Variants in POSTN observed in about 807,000 individuals in gnomAD.
POSTN encodes periostin.
A neutral mutation model predicts 104.5 loss-of-function variants in POSTN; 71 were observed. That is an observed-to-expected ratio of 0.68 (90% confidence interval 0.56 to 0.83). The LOEUF (loss-of-function observed/expected upper bound fraction) is 0.83, where lower values mean the gene tolerates loss of function less well. Ranked by LOEUF, POSTN falls within the 40% of genes least tolerant of loss-of-function variation. The pLI, the probability that POSTN is intolerant of heterozygous loss-of-function variation, is 0.00. For missense variants in POSTN, 949 were observed against 1,006.8 expected (o/e 0.94, Z 0.78); for synonymous variants, 355 against 340.7 (o/e 1.04, Z -0.46).
At chr13:37,574,191 A>G (rs1950338192) in intron 17 of POSTN, among the ~76,000 whole-genome samples, 1 of 151,490 alleles carries the variant, frequency 6.6e-6, no homozygotes, top group South Asian at 2.1e-4. Flanking sequence ...AGCTTCTTGC[A>G]CTGTTATAAG....
At chr13:37,570,384 T>C (rs1000887318) in intron 19 of POSTN, among the ~76,000 whole-genome samples, 196 bp downstream of exon 19, 4 of 151,786 alleles carry the variant, frequency 2.6e-5, no homozygotes, top group African/African-American at 9.7e-5. Flanking sequence ...GCTTTTAGAT[T>C]TGTCTACAAA....
At chr13:37,573,626 A>G (rs1950318344) in intron 17 of POSTN, among the ~76,000 whole-genome samples, 1 of 151,614 alleles carries the variant, frequency 6.6e-6, no homozygotes, top group Admixed American at 6.6e-5. Flanking sequence ...AAACATAAGT[A>G]TAATTACAGT....
Position 37,586,823 on chromosome 13 carries a change from G to A in POSTN, c.712C>T (p.Gln238Ter), listed in dbSNP as rs144505887. Residue 238 changes from glutamine (Q) to a stop codon, truncating the protein, a stop_gained, in exon 6 of 23, where the codon CAA (glutamine) becomes TAA (stop). Coordinates refer to ENST00000379747, the MANE Select transcript of POSTN (RefSeq NM_006475.3). LOFTEE classifies it high-confidence loss of function. ...TCATCTTCTGCTTCAATGAAGTCTTGAATTGAGGTACCAATTTGTGTAAGC... is the reference window on the plus strand; with the variant it reads ...TCATCTTCTGCTTCAATGAAGTCTTAAATTGAGGTACCAATTTGTGTAAGC... ...RVLTQIGTSI[Q>*]DFIEAEDDLS... 6 of 1,612,914 alleles carry A rather than the reference G, an allele frequency of 3.7e-6. No homozygotes were observed. In the African/African-American group the frequency reaches 4.0e-5, roughly 11 times the overall value.
chr13:37,571,630 T>G, intron 17 of POSTN, 172 bp from the exon 18 acceptor site: 2 of 515,578 alleles, frequency 3.9e-6, no homozygotes, highest in Non-Finnish European at 6.8e-6. Context: ...TAGACAAGAG[T>G]TATGAGAACA....
At position 37,592,109 on chromosome 13, in the gene POSTN, A is replaced by G; in HGVS notation, c.274T>C (p.Cys92Arg). 1 of 1,605,640 alleles carries G rather than the reference A, an allele frequency of 6.2e-7. No individual in the cohort carries two copies. The highest frequency in any genetic ancestry group is 8.5e-7 in the Non-Finnish European group (1 of 1,172,434). ...AAAATTGAGATTTTACCTGCTGGGC[A>G]GCCTTTCATTCCTTCCATTCTCATA... is the stretch of plus-strand genomic sequence containing the variant. Reference protein sequence around the residue: ...GYMRMEGMKGCPAVLPIDHVY... With the variant: ...GYMRMEGMKGRPAVLPIDHVY... The change falls in exon 3 of 23, where the codon TGC (cysteine) becomes CGC (arginine). Residue 92 changes from cysteine (C) to arginine (R), a missense_variant. Transcript: ENST00000379747.
chr13:37,568,466 A>G (rs1022636368), intron 21 of POSTN, among the ~76,000 whole-genome samples: 5 of 152,086 alleles, frequency 3.3e-5, no homozygotes, highest in Admixed American at 2.0e-4. Context: ...AACTTCAGTT[A>G]TGTTTCTCAA....
At chr13:37,565,818 A>T (rs114646132) in intron 21 of POSTN, among the ~76,000 whole-genome samples, 2,509 of 152,246 alleles carry the variant, frequency 0.016, 55 homozygotes, top group African/African-American at 0.057. Flanking sequence ...GTAAATATAA[A>T]TATTTCTTAA....
rs75920863 is a variant in POSTN at position 37,567,401 on chromosome 13, T to G, written c.2431+1899A>C. Among the ~76,000 whole-genome samples, 421 of 151,920 alleles carry G rather than the reference T, an allele frequency of 2.8e-3. 2 individuals are homozygous for G. The highest frequency in any genetic ancestry group is 4.9e-3 in the Non-Finnish European group (336 of 67,964). On this transcript the variant is annotated intron_variant, in intron 21 of 22. Transcript: ENST00000379747. ...AAAAAAAAAGTCTTACATAGTGTAA[T>G]CTTTACTAGCTTCTTTTATCAATGC...
chr13:37,588,829 A>G lies in POSTN; in HGVS notation c.442-843T>C, dbSNP rs1359594936. ...TAATGCCCTAAGAGGAGTGAAATAA[A>G]CTGGCCATAAGGAACCACTGAAGAT... On this transcript the variant is annotated intron_variant, in intron 4 of 22. Coordinates refer to ENST00000379747, the MANE Select transcript of POSTN (RefSeq NM_006475.3). Among the ~76,000 whole-genome samples the G allele has an allele frequency of 4.6e-5, 7 of 152,202 alleles. No individual in the cohort carries two copies. In the East Asian group the frequency reaches 1.3e-3, roughly 29 times the overall value.
chr13:37,574,141 T>A (rs903419715), intron 17 of POSTN, among the ~76,000 whole-genome samples: 2 of 151,674 alleles, frequency 1.3e-5, no homozygotes, highest in African/African-American at 4.8e-5. Flanking sequence ...CTATCTTATG[T>A]TACACAATGA....
rs1157304869 is a variant in POSTN, at chr13:37,595,014, TA to T, written c.218+2169del. Among the ~76,000 whole-genome samples, 526 of 136,298 alleles carry T rather than the reference TA, an allele frequency of 3.9e-3. 1 individual carries two copies. The highest frequency in any genetic ancestry group is 0.015 in the South Asian group (64 of 4,326). 89.4% of individuals were successfully genotyped at this position (136,298 alleles called of 152,430 possible). On this transcript the variant is annotated intron_variant, in intron 2 of 22. Coordinates refer to ENST00000379747, the MANE Select transcript of POSTN (RefSeq NM_006475.3). ...AAGGAGACACTGTTACATTTCTGGT[TA>T]AAAAAAAAAAAAGCCAGGCTTCAAA...
At chr13:37,594,809 A>T (rs147813633) in intron 2 of POSTN, among the ~76,000 whole-genome samples, 76 of 152,242 alleles carry the variant, frequency 5.0e-4, no homozygotes, top group African/African-American at 1.6e-3. Context: ...TAAAGTCCTG[A>T]TGATATCTCT....
Position 37,579,011 on chromosome 13 carries a change from T to A in POSTN, c.1894+8A>T. 1 of 1,611,894 alleles carries A rather than the reference T, an allele frequency of 6.2e-7. No individual in the cohort carries two copies. Among genetic ancestry groups the A allele is most frequent in the Non-Finnish European group, 8.5e-7 (1 of 1,179,124 alleles). Reference sequence around the variant, plus strand: ...CTTAGCCTATCAATGAGTTCAATAATTACAAACCTGCTGGATAGAGGAGTT... The same window carrying A: ...CTTAGCCTATCAATGAGTTCAATAAATACAAACCTGCTGGATAGAGGAGTT... On this transcript the variant is annotated splice_region_variant and intron_variant, in intron 14 of 22. Transcript: ENST00000379747.
chr13:37,586,579 A>G (rs1446832567), intron 6 of POSTN, among the ~76,000 whole-genome samples: 2 of 152,232 alleles, frequency 1.3e-5, no homozygotes, highest in Non-Finnish European at 2.9e-5. Flanking sequence ...TCATGTGACT[A>G]ACCATTCTTA....
At chr13:37,586,076 C>A in intron 7 of POSTN, 63 bp downstream of exon 7, 1 of 1,470,882 alleles carries the variant, frequency 6.8e-7, no homozygotes, top group Admixed American at 2.1e-5. Flanking sequence ...TAAGGACTAG[C>A]CTCTTTTTTA....
In POSTN at chr13:37,569,821, C is replaced by T. The variant is rs1950213210; in HGVS notation, c.2270G>A (p.Gly757Asp). ...KETREERIITGPEIKYTRIST... is the reference protein window; with the variant it reads ...KETREERIITDPEIKYTRIST... ...AATCCTAGTGTATTTTATTTCAGGA[C>T]CTATGAGAAGGACAATGAAAAAGGT... Residue 757 changes from glycine (G) to aspartate (D), a missense_variant and splice_region_variant, in exon 20 of 23, where the codon GGT (glycine) becomes GAT (aspartate). Physicochemically the swap from Gly to Asp is moderately conservative, Grantham distance 94. Transcript: ENST00000379747. 6.3e-7 allele frequency: 1 copy of T among 1,590,874 alleles called. No individual in the cohort carries two copies. Among genetic ancestry groups the T allele is most frequent in the African/African-American group, 1.4e-5 (1 of 74,070 alleles).
At chr13:37,592,063 A>T in intron 3 of POSTN, 37 bp downstream of exon 3, 2 of 1,465,266 alleles carry the variant, frequency 1.4e-6, no homozygotes, top group Non-Finnish European at 1.9e-6. Context: ...TTCTTTGCAT[A>T]TAATTCCTTA....
chr13:37,572,067 C>G (rs114994732), intron 17 of POSTN, among the ~76,000 whole-genome samples: 2 of 151,502 alleles, frequency 1.3e-5, no homozygotes, highest in Admixed American at 6.6e-5. Flanking sequence ...GTTAAACAGT[C>G]CTTCAAATGC....
rs749829896 is a variant in POSTN, at chr13:37,584,852, C to T, written c.972G>A (p.Leu324=). 3 of 1,613,810 alleles carry T rather than the reference C, an allele frequency of 1.9e-6. No individual in the cohort carries two copies. The highest frequency in any genetic ancestry group is 1.1e-5 in the South Asian group (1 of 91,078). ...SIMGGAVFET[L]EGNTIEIGCD... is the part of the protein sequence containing the mutation. ...ATCCTATCTCAATTGTATTTCCTTCCAGCGTCTCAAAGACTGCTCCTCCCA... is the reference window on the plus strand; with the variant it reads ...ATCCTATCTCAATTGTATTTCCTTCTAGCGTCTCAAAGACTGCTCCTCCCA... Residue 324 remains leucine (L), a synonymous_variant, in exon 8 of 23, where the codon CTG becomes CTA. Transcript: ENST00000379747.
Sources: allele counts gnomAD v4.1 joint callset (sites outside exome capture counted in the v4.1 genomes callset), GRCh38; gene constraint gnomAD v4.1.1; transcripts MANE v1.5; gene names NCBI Gene and HGNC (gene_info 2026-07-23, HGNC 2026-07-21).